The following ZNF227 variants were observed in gnomAD, a reference collection of about 807,000 sequenced individuals.
ZNF227 encodes the protein zinc finger protein 227.
ZNF227 carries 12 observed loss-of-function variants against 13.2 expected under a neutral mutation model. The ratio of observed to expected loss-of-function variants is 0.91; its 90% confidence interval spans 0.58 to 1.47. The LOEUF is 1.47. Ranked by LOEUF, ZNF227 falls within the 40% of genes most tolerant of loss-of-function variation. The pLI is 0.00. For synonymous variants in ZNF227, 338 were observed against 326.0 expected, an observed-to-expected ratio of 1.04 and a Z score of -0.40; for missense variants, 885 against 967.5, an observed-to-expected ratio of 0.91 and a Z score of 1.13.
rs369618978 is a variant in ZNF227 at position 44,235,237 on chromosome 19, G to A, written c.807G>A (p.Pro269=). 3.1e-5 allele frequency: 50 copies of A among 1,614,038 alleles called. No individual in the cohort carries two copies. The African/African-American group carries it at 3.7e-4, about 12-fold the overall frequency. ...FSYSPRLPLH[P]NVHTGEKCFS... is the part of the protein sequence containing the mutation. Reference sequence around the variant, plus strand: ...ATAGCCCAAGGCTTCCCCTTCATCCGAATGTTCATACAGGAGAAAAATGCT... The same window carrying A: ...ATAGCCCAAGGCTTCCCCTTCATCCAAATGTTCATACAGGAGAAAAATGCT... The change falls in exon 6 of 6, where the codon CCG becomes CCA. Residue 269 remains proline, a synonymous_variant. Coordinates refer to ENST00000313040, the MANE Select transcript of ZNF227 (RefSeq NM_182490.3).
In ZNF227 at chr19:44,235,600, T is replaced by C. The variant is rs1393751465; in HGVS notation, c.1170T>C (p.Gly390=). ...GCGAAGAGTGTGGTAAGGGCTTCGGTTGGAGTGTTAATCTCCGTGTTCACC... is the reference window on the plus strand; with the variant it reads ...GCGAAGAGTGTGGTAAGGGCTTCGGCTGGAGTGTTAATCTCCGTGTTCACC... The part of the protein sequence containing the change: ...YKCEECGKGF[G]WSVNLRVHQR... The change falls in exon 6 of 6, where the codon GGT becomes GGC. Residue 390 remains glycine, a synonymous_variant. Transcript: ENST00000313040. 3.1e-6 allele frequency: 5 copies of C among 1,613,830 alleles called. No homozygotes were observed. Among genetic ancestry groups the C allele is most frequent in the Non-Finnish European group, 2.5e-6 (3 of 1,179,938 alleles).
At chr19:44,211,711 G>A (rs995863400), upstream of ZNF227, among the ~76,000 whole-genome samples, 5 of 151,654 alleles carry the variant, frequency 3.3e-5, no homozygotes, top group East Asian at 1.9e-4. Flanking sequence ...TTCTGCCTTC[G>A]TTGCATTTTT....
intron 3 of ZNF227, among the ~76,000 whole-genome samples, chr19:44,226,242 A>C (rs1228110797): frequency 2.0e-5 from 3 of 152,226 alleles, no homozygotes; most frequent in Admixed American, 2.0e-4. Flanking sequence ...GACCCACTTC[A>C]GGAGGCAGTC....
intron 2 of ZNF227, 90 bp from the exon 3 acceptor site, chr19:44,217,701 C>T: frequency 7.3e-7 from 1 of 1,378,608 alleles, no homozygotes; most frequent in East Asian, 2.3e-5. Flanking sequence ...CTATACCTGT[C>T]TGAATGTAGG....
chr19:44,224,716 T>C (rs1972913541), intron 3 of ZNF227, among the ~76,000 whole-genome samples: 1 of 152,244 alleles, frequency 6.6e-6, no homozygotes, highest in South Asian at 2.1e-4. Flanking sequence ...CTTGACTCTT[T>C]ATCCAATTTG....
intron 2 of ZNF227, among the ~76,000 whole-genome samples, chr19:44,216,748 A>G (rs975138206): frequency 6.6e-6 from 1 of 152,122 alleles, no homozygotes; most frequent in Non-Finnish European, 1.5e-5. Flanking sequence ...AGATGTACCA[A>G]TGATCGTTTC....
chr19:44,214,464 C>T (rs767436005), intron 2 of ZNF227, among the ~76,000 whole-genome samples: 1 of 151,772 alleles, frequency 6.6e-6, no homozygotes, highest in Non-Finnish European at 1.5e-5. Flanking sequence ...CTGCAACCTC[C>T]ACCTCCCAGG....
At position 44,235,063 on chromosome 19, in the gene ZNF227, A is replaced by G. The variant is rs1974284172; in HGVS notation, c.633A>G (p.Ser211=). 6.2e-7 allele frequency: 1 copy of G among 1,613,792 alleles called. No individual in the cohort carries two copies. The highest frequency in any genetic ancestry group is 1.1e-5 in the South Asian group (1 of 90,976). Residue 211 remains serine (S), a synonymous_variant, in exon 6 of 6, where the codon TCA becomes TCG. Transcript: ENST00000313040. ...TACATGAAGACTTCATGAAGAAATC[A>G]CCATTTCATGAGCATATTAAAACTG... The part of the protein sequence containing the change: ...LQIHEDFMKK[S]PFHEHIKTDT...
At chr19:44,216,983 GAC>G (rs1971958296) in intron 2 of ZNF227, among the ~76,000 whole-genome samples, 1 of 114,988 alleles carries the variant, frequency 8.7e-6, no homozygotes, top group South Asian at 2.8e-4. Context: ...TTTTTTTTGA[GAC>G]AGAGTCTCAC....
At chr19:44,217,400 C>T (rs1972002427) in intron 2 of ZNF227, 1 of 470,552 alleles carries the variant, frequency 2.1e-6, no homozygotes, top group Admixed American at 2.3e-5. Context: ...ATGATTCTTA[C>T]CATATCCTCA....
chr19:44,223,807 CTTTTGAATGTGTTA>C, intron 3 of ZNF227, among the ~76,000 whole-genome samples: 1 of 152,098 alleles, frequency 6.6e-6, no homozygotes, highest in Non-Finnish European at 1.5e-5. Context: ...CTTCTGCTAG[CTTTTGAATGTGTTA>C]GCTCTTGCTT....
chr19:44,229,278 T>C (rs1030439384), intron 4 of ZNF227, among the ~76,000 whole-genome samples: 2 of 152,188 alleles, frequency 1.3e-5, no homozygotes, highest in African/African-American at 2.4e-5. Context: ...ACAACCTAAA[T>C]TTCTTATTAT....
chr19:44,211,268 G>T (rs1442986546), upstream of ZNF227, among the ~76,000 whole-genome samples: 1 of 152,062 alleles, frequency 6.6e-6, no homozygotes, highest in East Asian at 1.9e-4. Flanking sequence ...TTGTGAAAAT[G>T]TAGTGAGGGT....
intron 5 of ZNF227, 35 bp downstream of exon 5, chr19:44,229,851 T>G (rs1973600758): frequency 6.8e-7 from 1 of 1,460,724 alleles, no homozygotes; most frequent in Admixed American, 1.9e-5. Context: ...TGTCTGTTCT[T>G]TCAGGTACTG....
chr19:44,230,833 A>G (rs1296645613), intron 5 of ZNF227, among the ~76,000 whole-genome samples: 1 of 146,196 alleles, frequency 6.8e-6, no homozygotes, highest in African/African-American at 2.6e-5. Context: ...GCTACATGGG[A>G]GGCTGAAGTG....
chr19:44,211,021 C>G (rs1347077638), upstream of ZNF227, among the ~76,000 whole-genome samples: 3 of 152,186 alleles, frequency 2.0e-5, no homozygotes, highest in African/African-American at 4.8e-5. Flanking sequence ...TGGCAAAACC[C>G]CGTCTCTACT....
chr19:44,225,764 C>T (rs1047659828), intron 3 of ZNF227, among the ~76,000 whole-genome samples: 3 of 152,224 alleles, frequency 2.0e-5, no homozygotes, highest in Non-Finnish European at 4.4e-5. Flanking sequence ...TCTCTCAACT[C>T]GTCAAAGTCA....
At chr19:44,225,558 T>C (rs1973034221) in intron 3 of ZNF227, among the ~76,000 whole-genome samples, 1 of 152,242 alleles carries the variant, frequency 6.6e-6, no homozygotes, top group East Asian at 1.9e-4. Flanking sequence ...GTTGATCGCA[T>C]CGGCTCCTGA....
chr19:44,215,466 T>C (rs1356151531), intron 2 of ZNF227, among the ~76,000 whole-genome samples: 3 of 151,646 alleles, frequency 2.0e-5, no homozygotes, highest in Non-Finnish European at 2.9e-5. Flanking sequence ...TTTTTTTTTT[T>C]TAGTGCAGTC....
Sources: allele counts gnomAD v4.1 joint callset (sites outside exome capture counted in the v4.1 genomes callset), GRCh38; gene constraint gnomAD v4.1.1; transcripts MANE v1.5; gene names NCBI Gene and HGNC (gene_info 2026-07-23, HGNC 2026-07-21).